TASOR: variants seen among roughly 807,000 people sequenced by gnomAD.
TASOR encodes protein TASOR.
In TASOR, 53 loss-of-function variants were observed where a neutral mutation model predicts 178.6. The ratio of observed to expected loss-of-function variants is 0.30; its 90% CI spans 0.24 to 0.37. The LOEUF (loss-of-function observed/expected upper bound fraction) is 0.37. Among genes scored for constraint, TASOR ranks in the 10% least tolerant of loss-of-function variants. The probability of loss-of-function intolerance (pLI) is 1.00; values close to 1 mark genes in which losing one functional copy is unlikely to be tolerated. For synonymous variants in TASOR, 713 were observed against 696.2 expected (o/e 1.02, Z -0.38); for missense variants, 1,815 against 1,971.4 (o/e 0.92, Z 1.50).
At chr3:56,628,759 C>A in intron 18 of TASOR, 145 bp from the exon 19 acceptor site, 1 of 545,958 alleles carries the variant, frequency 1.8e-6, no homozygotes, top group Non-Finnish European at 3.1e-6. Flanking sequence ...AAGAGACCAT[C>A]AAATCCTTTT....
intron 3 of TASOR, 97 bp downstream of exon 3, chr3:56,671,503 G>T: frequency 1.2e-6 from 1 of 812,314 alleles, no homozygotes; most frequent in Non-Finnish European, 1.9e-6. Flanking sequence ...TATCAAAAAA[G>T]TCTGTAATTG....
intron 11 of TASOR, among the ~76,000 whole-genome samples, chr3:56,655,945 C>G (rs892549429): frequency 6.6e-6 from 1 of 152,176 alleles, no homozygotes; most frequent in Admixed American, 6.5e-5. Context: ...GGAAGTGAGG[C>G]TGATGACATA....
At chr3:56,664,511 G>C (rs577132904) in intron 7 of TASOR, among the ~76,000 whole-genome samples, 4 of 152,244 alleles carry the variant, frequency 2.6e-5, no homozygotes, top group African/African-American at 7.2e-5. Context: ...TGGTTTCCAA[G>C]GATTATTCAC....
chr3:56,642,153 T>G (rs2077138014), intron 14 of TASOR, among the ~76,000 whole-genome samples: 1 of 152,234 alleles, frequency 6.6e-6, no homozygotes. Flanking sequence ...AAATGACAAT[T>G]TGATTTCTAT....
rs1444285115 is a variant in TASOR at position 56,621,561 on chromosome 3, A to G, written c.*1476T>C. On this transcript the variant is annotated 3_prime_UTR_variant, in exon 24 of 24. Transcript: ENST00000683822. ...TTCTCCAGAAGCAAAAGGAGTTGGAAAGTAGTCTCCTGCCTTTAGCTGAAA... is the reference window on the plus strand; with the variant it reads ...TTCTCCAGAAGCAAAAGGAGTTGGAGAGTAGTCTCCTGCCTTTAGCTGAAA... The G allele has an allele frequency of 6.2e-7, 1 of 1,600,982 alleles. No homozygotes were observed. The highest frequency in any genetic ancestry group is 2.2e-5 in the East Asian group (1 of 44,586).
chr3:56,662,424 G>C lies in TASOR; in HGVS notation c.1121C>G (p.Ser374Cys). ...AAAAGCACGAGTGGCTGACCTCAGA[G>C]AAATATAACACAAAAGTTTTCCTTT... ...LNKGKLLCYI[S>C]LRSATRAFLP... The change falls in exon 9 of 24, where the codon TCT becomes TGT. Residue 374 changes from serine to cysteine, a missense_variant. Coordinates refer to ENST00000683822, the MANE Select transcript of TASOR (RefSeq NM_001365635.2). 1 of 1,549,304 alleles carries C rather than the reference G, an allele frequency of 6.5e-7. No homozygotes were observed. Among genetic ancestry groups the C allele is most frequent in the Non-Finnish European group, 8.7e-7 (1 of 1,145,648 alleles).
rs1327524416 is a variant in TASOR at position 56,621,105 on chromosome 3, AGT to A, written c.*1930_*1931del. 6 of 152,026 alleles carry A rather than the reference AGT, an allele frequency of 3.9e-5. No homozygotes were observed. The highest frequency in any genetic ancestry group is 1.5e-4 in the African/African-American group (6 of 41,260). The allele number at this position is 152,026 out of a possible 1,614,324, so 9.4% of individuals were successfully genotyped here. On this transcript the variant is annotated 3_prime_UTR_variant, in exon 24 of 24. Coordinates refer to ENST00000683822, the MANE Select transcript of TASOR (RefSeq NM_001365635.2). ...TGTGAACCTGGGAGGCAGAGCTTGC[AGT>A]GAGATTGCACCACTGTACTCCAGCT...
At chr3:56,675,238 G>A (rs1459125035) in intron 1 of TASOR, among the ~76,000 whole-genome samples, 1 of 150,794 alleles carries the variant, frequency 6.6e-6, no homozygotes, top group Non-Finnish European at 1.5e-5. Context: ...GCAGTGGCAC[G>A]ATTTTGGTTC....
chr3:56,656,327 C>T (rs1254313428), intron 11 of TASOR, among the ~76,000 whole-genome samples: 1 of 152,192 alleles, frequency 6.6e-6, no homozygotes, highest in African/African-American at 2.4e-5. Flanking sequence ...GCGGTTCACA[C>T]CTGTAATCCC....
intron 14 of TASOR, among the ~76,000 whole-genome samples, chr3:56,646,113 A>C (rs972783854): frequency 2.0e-5 from 3 of 152,102 alleles, no homozygotes; most frequent in African/African-American, 7.2e-5. Flanking sequence ...ATGCCACTAC[A>C]CTCCAGCCTT....
chr3:56,635,143 C>T (rs536346573), intron 17 of TASOR, among the ~76,000 whole-genome samples: 1 of 152,280 alleles, frequency 6.6e-6, no homozygotes, highest in East Asian at 1.9e-4. Context: ...GTTTAAATAG[C>T]CTCACTAGGA....
chr3:56,640,112 C>G lies in TASOR; in HGVS notation c.2638G>C (p.Val880Leu). Residue 880 changes from valine (V) to leucine (L), a missense_variant, in exon 16 of 24, where the codon GTG (valine) becomes CTG (leucine). Transcript: ENST00000683822. ...AAACTGCAATCTTCAAAATTATTCA[C>G]GCTAATTAAATTTGGATCCTAAAAA... Reference protein sequence around the residue: ...HLKEDPNLISVNNFEDCSLCP... With the variant: ...HLKEDPNLISLNNFEDCSLCP... 1 of 1,612,600 alleles carries G rather than the reference C, an allele frequency of 6.2e-7. No homozygotes were observed. The highest frequency in any genetic ancestry group is 2.2e-5 in the East Asian group (1 of 44,844).
chr3:56,668,327 G>C, intron 6 of TASOR, 70 bp downstream of exon 6: 8 of 1,427,688 alleles, frequency 5.6e-6, no homozygotes, highest in Non-Finnish European at 6.7e-6. Context: ...AACTGAAAGG[G>C]AGACATTTTA....
chr3:56,632,698 T>G (rs9877962), intron 18 of TASOR, among the ~76,000 whole-genome samples: 1 of 152,188 alleles, frequency 6.6e-6, no homozygotes, highest in Non-Finnish European at 1.5e-5. Flanking sequence ...TTACCTAGGC[T>G]GGCACAATCA....
intron 1 of TASOR, among the ~76,000 whole-genome samples, chr3:56,674,170 A>G (rs2031031362): frequency 6.8e-6 from 1 of 147,598 alleles, no homozygotes; most frequent in Non-Finnish European, 1.5e-5. Context: ...GTAACAAAAT[A>G]TGCTGTTACT....
intron 2 of TASOR, 108 bp from the exon 3 acceptor site, chr3:56,671,800 A>G: frequency 1.3e-6 from 1 of 766,308 alleles, no homozygotes; most frequent in Non-Finnish European, 2.1e-6. Flanking sequence ...AAATGGAAAA[A>G]TAATCTCTAT....
intron 6 of TASOR, 27 bp from the exon 7 acceptor site, chr3:56,666,411 C>T: frequency 6.9e-7 from 1 of 1,444,688 alleles, no homozygotes. Flanking sequence ...GAAAAATTAA[C>T]TTCTTTAAAA....
intron 11 of TASOR, among the ~76,000 whole-genome samples, chr3:56,655,455 A>C (rs989446112): frequency 1.3e-5 from 2 of 152,160 alleles, no homozygotes; most frequent in African/African-American, 4.8e-5. Flanking sequence ...CTAAGAGACT[A>C]ACGACAATAA....
chr3:56,654,997 C>T (rs9864701), intron 11 of TASOR, among the ~76,000 whole-genome samples: 28,169 of 152,044 alleles, frequency 0.19, 3,443 homozygotes, highest in South Asian at 0.4. Context: ...ACATACCACC[C>T]CCACCATAAA....
Sources: gnomAD v4.1 joint callset for allele counts (sites outside exome capture counted in the v4.1 genomes callset) on GRCh38, gnomAD v4.1.1 for gene constraint, MANE v1.5 for transcripts, NCBI Gene and HGNC (gene_info 2026-07-23, HGNC 2026-07-21) for gene names.